NFIA: variants seen among roughly 807,000 people sequenced by gnomAD.
NFIA encodes the protein nuclear factor I A.
A neutral mutation model predicts 62.8 loss-of-function variants in NFIA; 8 were observed. The ratio of observed to expected loss-of-function variants is 0.13; its 90% CI spans 0.07 to 0.23. The LOEUF is 0.23. Ranked by LOEUF, NFIA falls within the 10% of genes least tolerant of loss-of-function variation. The pLI is 1.00. For synonymous variants in NFIA, 235 were observed against 238.1 expected, an observed-to-expected ratio of 0.99 and a Z score of 0.12; for missense variants, 410 against 642.1, an observed-to-expected ratio of 0.64 and a Z score of 3.91.
intron 2 of NFIA, among the ~76,000 whole-genome samples, chr1:61,144,628 C>T (rs1375009059): frequency 6.6e-6 from 1 of 152,170 alleles, no homozygotes; most frequent in Non-Finnish European, 1.5e-5. Context: ...GCCTTAGTTT[C>T]TTCATTGTGC....
chr1:61,192,703 CA>C (rs55868819), intron 2 of NFIA, among the ~76,000 whole-genome samples: 45,880 of 135,646 alleles, frequency 0.34, 8,092 homozygotes, highest in East Asian at 0.59. Context: ...ACTCTTGTCT[CA>C]AAAAAAAAAA....
chr1:61,338,523 C>T (rs554403778), intron 4 of NFIA, among the ~76,000 whole-genome samples: 6 of 152,296 alleles, frequency 3.9e-5, no homozygotes, highest in East Asian at 1.9e-4. Flanking sequence ...GTCCTTGTTA[C>T]GTTTTCAAGT....
At chr1:61,107,664 C>A (rs1344209081) in intron 2 of NFIA, among the ~76,000 whole-genome samples, 1 of 151,604 alleles carries the variant, frequency 6.6e-6, no homozygotes, top group Non-Finnish European at 1.5e-5. Flanking sequence ...AACAAAAATT[C>A]TTAATTTTAA....
intron 4 of NFIA, among the ~76,000 whole-genome samples, chr1:61,332,980 C>T (rs1661373952): frequency 6.6e-6 from 1 of 151,880 alleles, no homozygotes; most frequent in East Asian, 1.9e-4. Flanking sequence ...CTGTCACCAT[C>T]TTGCTCCATT....
At chr1:61,275,932 T>A (rs78828317) in intron 2 of NFIA, among the ~76,000 whole-genome samples, 2,085 of 152,250 alleles carry the variant, frequency 0.014, 29 homozygotes, top group Middle Eastern at 0.041. Context: ...AATGTAAATT[T>A]GTTTGCATTT....
chr1:61,328,321 G>A (rs751838646), intron 3 of NFIA, among the ~76,000 whole-genome samples: 1 of 151,710 alleles, frequency 6.6e-6, no homozygotes, highest in African/African-American at 2.4e-5. Flanking sequence ...TTCCTATTTG[G>A]CTCCTTCGTA....
chr1:61,410,829 C>T (rs1666065243), intron 9 of NFIA, among the ~76,000 whole-genome samples: 1 of 152,060 alleles, frequency 6.6e-6, no homozygotes, highest in Non-Finnish European at 1.5e-5. Context: ...AATGCTTGAG[C>T]CTAGGAGCTT....
chr1:61,427,183 C>T (rs1460772096), intron 10 of NFIA, among the ~76,000 whole-genome samples: 1 of 152,092 alleles, frequency 6.6e-6, no homozygotes, highest in Non-Finnish European at 1.5e-5. Flanking sequence ...ACATCCAGAG[C>T]TTGTCTGCCC....
chr1:61,426,145 C>T (rs1666856244), intron 9 of NFIA, among the ~76,000 whole-genome samples: 1 of 152,196 alleles, frequency 6.6e-6, no homozygotes, highest in Non-Finnish European at 1.5e-5. Context: ...CTCTTTCTGA[C>T]TCCAGAGCTC....
chr1:61,185,956 A>T (rs1411273609), intron 2 of NFIA, among the ~76,000 whole-genome samples: 1 of 152,188 alleles, frequency 6.6e-6, no homozygotes, highest in Non-Finnish European at 1.5e-5. Context: ...TCAGTCCCAC[A>T]AGGATGCAAA....
chr1:61,460,467 C>T lies in NFIA; in HGVS notation c.*5147C>T, dbSNP rs1167045521. ...TTACACAAATGTGACAACTTGGGCT[C>T]AATTCACTCTGCTTTCCAACAGTGT... is the stretch of plus-strand genomic sequence containing the variant. On this transcript the variant is annotated 3_prime_UTR_variant, in exon 11 of 11. Coordinates refer to ENST00000403491, the MANE Select transcript of NFIA (RefSeq NM_001134673.4). 1.3e-5 allele frequency: 2 copies of T among 152,206 alleles called. No homozygotes were observed. Among genetic ancestry groups the T allele is most frequent in the Non-Finnish European group, 2.9e-5 (2 of 68,040 alleles). 9.4% of individuals were successfully genotyped at this position (152,206 alleles called of 1,614,324 possible).
chr1:61,081,914 A>G (rs890124756), upstream of NFIA: 21 of 1,548,558 alleles, frequency 1.4e-5, no homozygotes, highest in Non-Finnish European at 1.7e-5. Flanking sequence ...GTTACCTAGG[A>G]GGTCTGATTT....
chr1:61,218,396 A>G (rs1486833955), intron 2 of NFIA, among the ~76,000 whole-genome samples: 1 of 152,184 alleles, frequency 6.6e-6, no homozygotes, highest in Non-Finnish European at 1.5e-5. Flanking sequence ...TGGTATCTGC[A>G]GGGGATTCGT....
chr1:61,165,039 A>G (rs1649480454), intron 2 of NFIA, among the ~76,000 whole-genome samples: 1 of 152,216 alleles, frequency 6.6e-6, no homozygotes, highest in Non-Finnish European at 1.5e-5. Context: ...TATATACGAT[A>G]GGTCATTGCT....
chr1:61,082,465 C>G, upstream of NFIA: 2 of 1,059,816 alleles, frequency 1.9e-6, no homozygotes, highest in Middle Eastern at 4.4e-4. Flanking sequence ...TCGCGGGCAC[C>G]CGGCCGGGCC....
chr1:61,085,248 A>G (rs1239080798), intron 1 of NFIA, among the ~76,000 whole-genome samples: 3 of 152,190 alleles, frequency 2.0e-5, no homozygotes, highest in South Asian at 2.1e-4. Flanking sequence ...AAATATGGGC[A>G]TATAATCAAA....
At chr1:61,347,817 T>C (rs879419002) in intron 4 of NFIA, among the ~76,000 whole-genome samples, 2 of 152,346 alleles carry the variant, frequency 1.3e-5, no homozygotes, top group Admixed American at 6.5e-5. Context: ...ACAAATACTA[T>C]ATGTGGGAGT....
intron 7 of NFIA, among the ~76,000 whole-genome samples, chr1:61,393,087 T>C (rs1490233426): frequency 1.3e-5 from 2 of 151,826 alleles, no homozygotes; most frequent in African/African-American, 4.8e-5. Flanking sequence ...CCTTGCGTAG[T>C]CAGATAAGCC....
Position 61,426,583 on chromosome 1 carries a change from G to A in NFIA, c.1512+27G>A, listed in dbSNP as rs1459934109. On this transcript the variant is annotated intron_variant, in intron 10 of 10. Transcript: ENST00000403491. The stretch of plus-strand genomic sequence containing the variant: ...TGGGCCGCTCTCATCTTTTCTGTAT[G>A]TGGTGCAGCTTGTATTATTCATCAG... 2.7e-6 allele frequency: 4 copies of A among 1,500,186 alleles called. No homozygotes were observed. In the African/African-American group the frequency reaches 4.2e-5, roughly 16 times the overall value. 92.9% of individuals were successfully genotyped at this position (1,500,186 alleles called of 1,614,324 possible).
Sources: gnomAD v4.1 joint callset for allele counts (sites outside exome capture counted in the v4.1 genomes callset) on GRCh38, gnomAD v4.1.1 for gene constraint, MANE v1.5 for transcripts, NCBI Gene and HGNC (gene_info 2026-07-23, HGNC 2026-07-21) for gene names.